SEPTIN8: variants seen among roughly 807,000 people sequenced by gnomAD.
The protein encoded by SEPTIN8 is septin 8.
Under a neutral mutation model 53.1 loss-of-function variants are expected in SEPTIN8, and 22 were observed. That is an observed-to-expected ratio of 0.41 (90% CI 0.30 to 0.59). SEPTIN8 has a LOEUF of 0.59. Among genes scored for constraint, SEPTIN8 ranks in the 20% least tolerant of loss-of-function variants. The pLI is 0.24. For missense variants in SEPTIN8, 536 were observed against 638.7 expected (o/e 0.84, Z 1.73); for synonymous variants, 228 against 248.4 (o/e 0.92, Z 0.77).
In SEPTIN8 at chr5:132,764,345, G is replaced by A; in HGVS notation, c.226C>T (p.His76Tyr). 6.2e-7 allele frequency: 1 copy of A among 1,614,232 alleles called. No individual in the cohort carries two copies. Among genetic ancestry groups the A allele is most frequent in the East Asian group, 2.2e-5 (1 of 44,880 alleles). The change falls in exon 3 of 10, where the codon CAC becomes TAC. Residue 76 changes from histidine (H) to tyrosine (Y), a missense_variant. By Grantham distance (83) the His-to-Tyr change is moderately conservative. This residue lies in a region of SEPTIN8 where 395 missense variants were observed against 451.8 expected (regional missense o/e 0.87). Coordinates refer to ENST00000378719, the MANE Select transcript of SEPTIN8 (RefSeq NM_001098811.2). ...NTTFETEEASHHEACVRLRPQ... is the reference protein window; with the variant it reads ...NTTFETEEASYHEACVRLRPQ... ...CGCAGGCGCACGCATGCCTCATGGT[G>A]ACTGGCTTCCTCAGTCTCGAAGGTC... is the stretch of plus-strand genomic sequence containing the variant.
chr5:132,752,307 GC>G, intron 9 of SEPTIN8, 126 bp from the exon 10 acceptor site: 2 of 1,272,252 alleles, frequency 1.6e-6, no homozygotes, highest in Non-Finnish European at 2.1e-6. Flanking sequence ...AAATGTTCTG[GC>G]CATAACCCTG....
intron 1 of SEPTIN8, among the ~76,000 whole-genome samples, chr5:132,766,149 G>T (rs550766060): frequency 2.6e-4 from 40 of 152,306 alleles, no homozygotes; most frequent in African/African-American, 9.4e-4. Flanking sequence ...AAAGGAGCCG[G>T]CCCTCACTCA....
chr5:132,762,764 G>C, intron 4 of SEPTIN8, 119 bp from the exon 5 acceptor site: 1 of 1,148,612 alleles, frequency 8.7e-7, no homozygotes, highest in Admixed American at 2.0e-5. Context: ...GGGGGAAGGA[G>C]GCCAGAGAGA....
At chr5:132,771,647 C>T (rs1757329245) in intron 1 of SEPTIN8, among the ~76,000 whole-genome samples, 1 of 152,200 alleles carries the variant, frequency 6.6e-6, no homozygotes, top group African/African-American at 2.4e-5. Flanking sequence ...GTTCCTGGCA[C>T]AAACTATGCT....
chr5:132,777,737 T>C (rs1757931832), upstream of SEPTIN8: 2 of 985,358 alleles, frequency 2.0e-6, no homozygotes, highest in African/African-American at 3.5e-5. The surrounding 1 kb of genome is among the most constrained non-coding windows in gnomAD (Gnocchi z 4.1). Context: ...CAGCCTAGTC[T>C]GCGGGTGTCT....
intron 1 of SEPTIN8, among the ~76,000 whole-genome samples, chr5:132,766,449 T>G (rs1756610565): frequency 6.6e-6 from 1 of 151,968 alleles, no homozygotes; most frequent in South Asian, 2.1e-4. Context: ...AAGCAGAGGG[T>G]CATGGTCACA....
chr5:132,761,381 C>T lies in SEPTIN8; in HGVS notation c.962+77G>A. On this transcript the variant is annotated intron_variant, in intron 7 of 9. Transcript: ENST00000378719. This position sits in a 1 kb window ranked among gnomAD's most constrained non-coding sequence, Gnocchi z 5.8. ...CACGAGGGGTAAGAGGATGTGGGGTCCCTCAGGGAACAGATGCCAGGGTGG... is the reference window on the plus strand; with the variant it reads ...CACGAGGGGTAAGAGGATGTGGGGTTCCTCAGGGAACAGATGCCAGGGTGG... 1 of 1,585,290 alleles carries T rather than the reference C, an allele frequency of 6.3e-7. No homozygotes were observed.
rs1757807565 is a variant in SEPTIN8 at position 132,776,510 on chromosome 5, C to T, written c.30+598G>A. Reference sequence around the variant, plus strand: ...TCCTGGCGAATGGCTGCCGCAGACCCGACCACTGAGGCCTGACCTGCCTGG... The same window carrying T: ...TCCTGGCGAATGGCTGCCGCAGACCTGACCACTGAGGCCTGACCTGCCTGG... On this transcript the variant is annotated intron_variant, in intron 1 of 9. Transcript: ENST00000378719. The surrounding 1 kb of genome is among the most constrained non-coding windows in gnomAD (Gnocchi z 4.4). Among the ~76,000 whole-genome samples, 1 of 152,172 alleles carries T rather than the reference C, an allele frequency of 6.6e-6. No homozygotes were observed. Among genetic ancestry groups the T allele is most frequent in the Non-Finnish European group, 1.5e-5 (1 of 68,028 alleles).
At position 132,773,846 on chromosome 5, in the gene SEPTIN8, C is replaced by G. The variant is rs1409951533; in HGVS notation, c.30+3262G>C. 1 of 152,370 alleles carries G rather than the reference C, an allele frequency of 6.6e-6. No individual in the cohort carries two copies. The highest frequency in any genetic ancestry group is 1.9e-4 in the East Asian group (1 of 5,196). The allele number at this position is 152,370 out of a possible 1,614,324, so 9.4% of individuals were successfully genotyped here. ...AGCTCTGACCCACTGCAATCAAGACCCCAAGGAGACCTTCCTAAGGTGGGC... is the reference window on the plus strand; with the variant it reads ...AGCTCTGACCCACTGCAATCAAGACGCCAAGGAGACCTTCCTAAGGTGGGC... On this transcript the variant is annotated intron_variant, in intron 1 of 9. Coordinates refer to ENST00000378719, the MANE Select transcript of SEPTIN8 (RefSeq NM_001098811.2). This position sits in a 1 kb window ranked among gnomAD's most constrained non-coding sequence, Gnocchi z 4.2.
rs1757775778 is a variant in SEPTIN8, at chr5:132,776,213, A to C, written c.30+895T>G. ...CCCTTCCAGCCGACCAGGGCCTTAC[A>C]TGCTGGCAAGAGGACACAGCTTCCT... On this transcript the variant is annotated intron_variant, in intron 1 of 9. Coordinates refer to ENST00000378719, the MANE Select transcript of SEPTIN8 (RefSeq NM_001098811.2). This position sits in a 1 kb window ranked among gnomAD's most constrained non-coding sequence, Gnocchi z 4.4. Among the ~76,000 whole-genome samples the C allele has an allele frequency of 6.7e-6, 1 of 149,948 alleles. No homozygotes were observed. The highest frequency in any genetic ancestry group is 1.5e-5 in the Non-Finnish European group (1 of 67,612).
intron 4 of SEPTIN8, among the ~76,000 whole-genome samples, chr5:132,762,846 T>A (rs1756136100): frequency 6.6e-6 from 1 of 152,130 alleles, no homozygotes; most frequent in African/African-American, 2.4e-5. Flanking sequence ...TTTCAACAAT[T>A]GGCTGCAGTG....
chr5:132,757,398 A>G, intron 9 of SEPTIN8: 1 of 985,114 alleles, frequency 1.0e-6, no homozygotes, highest in Non-Finnish European at 1.2e-6. Context: ...ACATCATCTC[A>G]GGAAGGCAGG....
intron 2 of SEPTIN8, 49 bp downstream of exon 2, chr5:132,765,360 C>G: frequency 6.2e-7 from 1 of 1,605,442 alleles, no homozygotes; most frequent in Non-Finnish European, 8.5e-7. Context: ...CCCCCTCTCC[C>G]AGGAGGTTCT....
chr5:132,779,988 G>C (rs559546998), upstream of SEPTIN8, among the ~76,000 whole-genome samples: 24 of 152,272 alleles, frequency 1.6e-4, no homozygotes, highest in African/African-American at 5.8e-4. Flanking sequence ...GACTCTCTAC[G>C]CACACTTTCT....
rs765095907 is a variant in SEPTIN8, at chr5:132,761,589, C to A, written c.831G>T (p.Arg277=). 31 of 1,614,054 alleles carry A rather than the reference C, an allele frequency of 1.9e-5. No individual in the cohort carries two copies. The highest frequency in any genetic ancestry group is 2.5e-5 in the Non-Finnish European group (30 of 1,179,998). ...CCATGTTCACCCGGATCAACATCTCCCGCAGCTTCACGAAGTCGCAGTGAT... is the reference window on the plus strand; with the variant it reads ...CCATGTTCACCCGGATCAACATCTCACGCAGCTTCACGAAGTCGCAGTGAT... ...NENHCDFVKL[R]EMLIRVNMED... Residue 277 remains arginine, a synonymous_variant, in exon 7 of 10, where the codon CGG becomes CGT. Coordinates refer to ENST00000378719, the MANE Select transcript of SEPTIN8 (RefSeq NM_001098811.2). This position sits in a 1 kb window ranked among gnomAD's most constrained non-coding sequence, Gnocchi z 5.8.
chr5:132,777,385 C>CG, upstream of SEPTIN8: 1 of 1,018,190 alleles, frequency 9.8e-7, no homozygotes, highest in Non-Finnish European at 1.2e-6. This position sits in a 1 kb window ranked among gnomAD's most constrained non-coding sequence, Gnocchi z 4.1. Flanking sequence ...CTTGGACGGC[C>CG]GGGGGTCTCC....
At chr5:132,756,368 A>T in intron 9 of SEPTIN8, 1 of 983,978 alleles carries the variant, frequency 1.0e-6, no homozygotes. Context: ...AATAGTCCCA[A>T]TTTGGGCAAC....
chr5:132,778,267 C>A, upstream of SEPTIN8: 1 of 168,380 alleles, frequency 5.9e-6, no homozygotes, highest in Non-Finnish European at 1.2e-5. Context: ...GTTGGTCCAC[C>A]CTCCACACAC....
chr5:132,779,384 A>G (rs1422616822), upstream of SEPTIN8, among the ~76,000 whole-genome samples: 1 of 152,214 alleles, frequency 6.6e-6, no homozygotes, highest in Non-Finnish European at 1.5e-5. Flanking sequence ...AGTTCCATAC[A>G]CAGACAGGGT....
Sources: gnomAD v4.1 joint callset for allele counts (sites outside exome capture counted in the v4.1 genomes callset) on GRCh38, gnomAD v4.1.1 for gene constraint, gnomAD v4.1.1 regional missense constraint, Gnocchi (gnomAD v3.1) non-coding constraint, MANE v1.5 for transcripts, NCBI Gene and HGNC (gene_info 2026-07-23, HGNC 2026-07-21) for gene names.